Variants in FCRL5 observed in about 807,000 individuals in gnomAD.
FCRL5 encodes the protein Fc receptor-like protein 5.
Under a neutral mutation model 92.1 loss-of-function variants are expected in FCRL5, and 79 were observed. The ratio of observed to expected loss-of-function variants is 0.86; its 90% CI spans 0.72 to 1.03. FCRL5 has a LOEUF of 1.03. FCRL5 is among the 50% of genes least tolerant of loss of function. FCRL5 has a pLI of 0.00. For synonymous variants in FCRL5, 466 were observed against 469.3 expected, an observed-to-expected ratio of 0.99 and a Z score of 0.09; for missense variants, 1,160 against 1,181.1, an observed-to-expected ratio of 0.98 and a Z score of 0.26.
At chr1:157,524,033 G>T in intron 10 of FCRL5, 1 of 495,200 alleles carries the variant, frequency 2.0e-6, no homozygotes, top group Non-Finnish European at 3.6e-6. Flanking sequence ...TTCTAAAAAA[G>T]TCTTATTTGC....
Position 157,524,442 on chromosome 1 carries a change from C to T in FCRL5, c.2076G>A (p.Trp692Ter). The change falls in exon 10 of 17, where the codon TGG (tryptophan) becomes TGA (stop). Residue 692 changes from tryptophan (W) to a stop codon, truncating the protein, a stop_gained. Coordinates refer to ENST00000361835, the MANE Select transcript of FCRL5 (RefSeq NM_031281.3). LOFTEE classifies it high-confidence loss of function. Reference protein sequence around the residue: ...ALRGSSPILYWFYHEDVTLGK... With the variant: ...ALRGSSPILY ...CCAGGGTGACATCTTCATGATAAAA[C>T]CAGTACAGGATTGGGGAGGAGCCTC... 2 of 1,614,242 alleles carry T rather than the reference C, an allele frequency of 1.2e-6. No individual in the cohort carries two copies. The highest frequency in any genetic ancestry group is 1.7e-6 in the Non-Finnish European group (2 of 1,180,040).
Position 157,518,680 on chromosome 1 carries a change from G to A in FCRL5, c.2743+20C>T. On this transcript the variant is annotated intron_variant, in intron 14 of 16. Transcript: ENST00000361835. Reference sequence around the variant, plus strand: ...ACCAGCCCTCCAGCTTCTGCCAAATGCAGGATCCTCGGGCCTCACCATTAG... The same window carrying A: ...ACCAGCCCTCCAGCTTCTGCCAAATACAGGATCCTCGGGCCTCACCATTAG... The A allele has an allele frequency of 6.2e-7, 1 of 1,602,262 alleles. No individual in the cohort carries two copies. The highest frequency in any genetic ancestry group is 8.5e-7 in the Non-Finnish European group (1 of 1,173,696).
At chr1:157,535,908 G>A (rs1650944850) in intron 7 of FCRL5, among the ~76,000 whole-genome samples, 1 of 148,952 alleles carries the variant, frequency 6.7e-6, no homozygotes, top group African/African-American at 2.5e-5. Flanking sequence ...TCTGCCAAAG[G>A]GTACTTTGTG....
At chr1:157,544,644 GA>G in intron 4 of FCRL5, 98 bp from the exon 5 acceptor site, 1 of 1,477,866 alleles carries the variant, frequency 6.8e-7, no homozygotes, top group Admixed American at 1.9e-5. Flanking sequence ...AGCAGGCAAA[GA>G]AAGGAATGCC....
intron 6 of FCRL5, among the ~76,000 whole-genome samples, chr1:157,539,912 T>G (rs1241443007): frequency 6.6e-6 from 1 of 152,196 alleles, no homozygotes; most frequent in Non-Finnish European, 1.5e-5. Flanking sequence ...TTAAAAAAAT[T>G]TCTTCCTTTT....
At chr1:157,534,488 G>A (rs776646352) in intron 8 of FCRL5, 126 bp downstream of exon 8, 5 of 1,156,296 alleles carry the variant, frequency 4.3e-6, no homozygotes, top group South Asian at 3.9e-5. Context: ...GTTAGTTGAG[G>A]AGGAAGCCAA....
In FCRL5 at chr1:157,552,474, A is replaced by G; in HGVS notation, c.-112T>C. The G allele has an allele frequency of 2.7e-6, 3 of 1,098,548 alleles. No individual in the cohort carries two copies. Among genetic ancestry groups the G allele is most frequent in the East Asian group, 2.4e-5 (1 of 42,050 alleles). The allele number at this position is 1,098,548 out of a possible 1,614,324, so 68.1% of individuals were successfully genotyped here. The stretch of plus-strand genomic sequence containing the variant: ...ACTGCACACCAGCTCCAAGGAGCAC[A>G]TCTGAGAAGCTGTGCTCTCAAAAAG... On this transcript the variant is annotated 5_prime_UTR_variant, in exon 1 of 17. An upstream start codon of the reference 5' UTR is lost. Coordinates refer to ENST00000361835, the MANE Select transcript of FCRL5 (RefSeq NM_031281.3).
rs771319382 is a variant in FCRL5, at chr1:157,520,519, A to C, written c.2544T>G (p.Phe848Leu). The C allele has an allele frequency of 7.0e-5, 111 of 1,579,870 alleles. No individual in the cohort carries two copies. The highest frequency in any genetic ancestry group is 6.7e-4 in the Middle Eastern group (4 of 6,012). Residue 848 changes from phenylalanine to leucine, a missense_variant, in exon 12 of 17, where the codon TTT becomes TTG. Transcript: ENST00000361835. ...GCAGGCCCCCGGCGACTCCTGTGGC[A>C]AAAGGGCCACTTCTGTTCGCGGTCA... ...TGLTANRSGP[F>L]ATGVAGGLLS... is the part of the protein sequence containing the mutation.
chr1:157,521,335 A>G lies in FCRL5; in HGVS notation c.2240-43T>C, dbSNP rs1165334450. 4 of 1,549,288 alleles carry G rather than the reference A, an allele frequency of 2.6e-6. No homozygotes were observed. In the African/African-American group the frequency reaches 4.1e-5, roughly 16 times the overall value. The stretch of plus-strand genomic sequence containing the variant: ...GTCAACAGCAGTTTCTGCTTCTAAC[A>G]TATTTGTAAGAAACAAAAGGTATCA... On this transcript the variant is annotated intron_variant, in intron 10 of 16. Coordinates refer to ENST00000361835, the MANE Select transcript of FCRL5 (RefSeq NM_031281.3).
rs2101631325 is a variant in FCRL5 at position 157,539,085 on chromosome 1, C to T, written c.1402+1G>A. ...GTGATTGGCAGGAACCCAGGGCTTA[C>T]CAGTGACGGAGAGGCTCACCGCCTT... On this transcript the variant is annotated splice_donor_variant, in intron 7 of 16. Transcript: ENST00000361835. LOFTEE classifies it high-confidence loss of function. 6.2e-7 allele frequency: 1 copy of T among 1,612,144 alleles called. No individual in the cohort carries two copies. Among genetic ancestry groups the T allele is most frequent in the South Asian group, 1.1e-5 (1 of 90,812 alleles).
chr1:157,537,824 C>T (rs1168770259), intron 7 of FCRL5, among the ~76,000 whole-genome samples: 2 of 152,142 alleles, frequency 1.3e-5, no homozygotes, highest in African/African-American at 2.4e-5. Context: ...GGTGAATTTC[C>T]CCCGATATCA....
intron 15 of FCRL5, among the ~76,000 whole-genome samples, chr1:157,516,319 G>C (rs1001681569): frequency 6.6e-6 from 1 of 152,186 alleles, no homozygotes; most frequent in African/African-American, 2.4e-5. Context: ...TGCCTCAGTT[G>C]CCTCATCTAT....
intron 3 of FCRL5, among the ~76,000 whole-genome samples, chr1:157,545,941 C>T (rs1651515214): frequency 6.6e-6 from 1 of 152,180 alleles, no homozygotes; most frequent in Non-Finnish European, 1.5e-5. Flanking sequence ...AGAGTATAAA[C>T]ATTTTTGTTT....
chr1:157,544,437 C>T lies in FCRL5; in HGVS notation c.669G>A (p.Pro223=), dbSNP rs761744976. 9 of 1,614,208 alleles carry T rather than the reference C, an allele frequency of 5.6e-6. No individual in the cohort carries two copies. The highest frequency in any genetic ancestry group is 3.3e-5 in the South Asian group (3 of 91,084). The change falls in exon 5 of 17, where the codon CCG becomes CCA. Residue 223 remains proline (P), a synonymous_variant. Coordinates refer to ENST00000361835, the MANE Select transcript of FCRL5 (RefSeq NM_031281.3). ...TQLSLERSDV[P]LRFRFFRDDQ... is the part of the protein sequence containing the mutation. ...CATCTCTGAAGAAGCGGAACCGGAGCGGGACATCTGACCTCTCTAGAGAGA... is the reference window on the plus strand; with the variant it reads ...CATCTCTGAAGAAGCGGAACCGGAGTGGGACATCTGACCTCTCTAGAGAGA...
At chr1:157,521,483 A>G in intron 10 of FCRL5, 191 bp from the exon 11 acceptor site, 1 of 595,376 alleles carries the variant, frequency 1.7e-6, no homozygotes, top group East Asian at 3.1e-5. Flanking sequence ...GAAAACTGTA[A>G]AAAGTGTATA....
Position 157,524,501 on chromosome 1 carries a change from C to G in FCRL5, c.2017G>C (p.Gly673Arg), listed in dbSNP as rs747501014. The change falls in exon 10 of 17, where the codon GGG becomes CGG. Residue 673 changes from glycine to arginine, a missense_variant. Gly to Arg is a moderately radical substitution (Grantham distance 125). Transcript: ENST00000361835. ...TCACAGTGAAGCTCCAGCAGGTCCC[C>G]CACCACAGCCTGGGCCCTGGGAGCC... ...FRAPRAQAVV[G>R]DLLELHCEAL... 1.9e-6 allele frequency: 3 copies of G among 1,614,016 alleles called. No individual in the cohort carries two copies. The South Asian group carries it at 3.3e-5, about 18-fold the overall frequency.
At chr1:157,550,947 C>T (rs1651782473) in intron 1 of FCRL5, among the ~76,000 whole-genome samples, 1 of 152,172 alleles carries the variant, frequency 6.6e-6, no homozygotes, top group African/African-American at 2.4e-5. Context: ...GACAAATCAT[C>T]CCTGTCCACA....
intron 2 of FCRL5, among the ~76,000 whole-genome samples, chr1:157,548,733 A>T (rs1651670217): frequency 6.6e-6 from 1 of 152,258 alleles, no homozygotes; most frequent in African/African-American, 2.4e-5. Flanking sequence ...AACCACAATG[A>T]GATACCATAT....
In FCRL5 at chr1:157,544,324, T is replaced by C; in HGVS notation, c.782A>G (p.Lys261Arg). 1 of 1,614,186 alleles carries C rather than the reference T, an allele frequency of 6.2e-7. No homozygotes were observed. Among genetic ancestry groups the C allele is most frequent in the Non-Finnish European group, 8.5e-7 (1 of 1,180,008 alleles). ...GACGCTGTAAGGCATTGTTGCTGCCTTACACCAGTAGAACCCTGAATCTTT... is the reference window on the plus strand; with the variant it reads ...GACGCTGTAAGGCATTGTTGCTGCCCTACACCAGTAGAACCCTGAATCTTT... The part of the protein sequence containing the change: ...WSKDSGFYWC[K>R]AATMPYSVIS... The change falls in exon 5 of 17, where the codon AAG (lysine) becomes AGG (arginine). Residue 261 changes from lysine to arginine, a missense_variant. Transcript: ENST00000361835.
Sources: allele counts gnomAD v4.1 joint callset (sites outside exome capture counted in the v4.1 genomes callset), GRCh38; gene constraint gnomAD v4.1.1; transcripts MANE v1.5; gene names NCBI Gene and HGNC (gene_info 2026-07-23, HGNC 2026-07-21).